Variants in BRD10 observed in about 807,000 individuals in gnomAD.
BRD10 encodes bromodomain containing 10, also known as uncharacterized bromodomain-containing protein 10.
the BRD10 span, among the ~76,000 whole-genome samples, chr9:5,943,044 A>G: frequency 1.3e-5 from 2 of 151,912 alleles, no homozygotes; most frequent in African/African-American, 4.8e-5. Flanking sequence ...CGCTGAGCTA[A>G]TTTTTTATTT....
At chr9:5,920,130 G>C in the BRD10 span, 1 of 1,613,940 alleles carries the variant, frequency 6.2e-7, no homozygotes, top group Non-Finnish European at 8.5e-7. Flanking sequence ...GGATGTTGTA[G>C]AGGTTGGCCA....
At chr9:5,958,731 T>G in the BRD10 span, among the ~76,000 whole-genome samples, 1 of 152,214 alleles carries the variant, frequency 6.6e-6, no homozygotes, top group Non-Finnish European at 1.5e-5. Flanking sequence ...CACTCCTCCC[T>G]CTGTACTTTC....
the BRD10 span, among the ~76,000 whole-genome samples, chr9:5,883,728 T>G: frequency 6.6e-6 from 1 of 152,110 alleles, no homozygotes; most frequent in African/African-American, 2.4e-5. Flanking sequence ...CACTTCAGCC[T>G]CTCAAACTGC....
the BRD10 span, among the ~76,000 whole-genome samples, chr9:5,914,908 T>C: frequency 2.6e-5 from 4 of 152,092 alleles, no homozygotes; most frequent in Non-Finnish European, 5.9e-5. Context: ...ATATATGCTA[T>C]GAACTGTTAC....
chr9:5,884,247 G>A, the BRD10 span, among the ~76,000 whole-genome samples: 295 of 152,268 alleles, frequency 1.9e-3, 2 homozygotes, highest in Middle Eastern at 0.014. Flanking sequence ...TCATGACACG[G>A]GAAAATAGAT....
At chr9:5,895,923 G>C in the BRD10 span, among the ~76,000 whole-genome samples, 3 of 152,224 alleles carry the variant, frequency 2.0e-5, no homozygotes, top group African/African-American at 4.8e-5. Flanking sequence ...ACTGTGTCAA[G>C]ATATTCAAGT....
the BRD10 span, among the ~76,000 whole-genome samples, chr9:5,986,176 ATG>A: frequency 6.6e-6 from 1 of 152,044 alleles, no homozygotes; most frequent in Non-Finnish European, 1.5e-5. Context: ...CCCTGTGTCC[ATG>A]TGTTCTCACT....
At chr9:5,885,986 A>T in the BRD10 span, among the ~76,000 whole-genome samples, 1 of 152,188 alleles carries the variant, frequency 6.6e-6, no homozygotes, top group Non-Finnish European at 1.5e-5. Flanking sequence ...GTTTTCCCCA[A>T]ATCTTTTGAG....
chr9:5,960,934 G>C, the BRD10 span, among the ~76,000 whole-genome samples: 4 of 152,080 alleles, frequency 2.6e-5, no homozygotes, highest in Non-Finnish European at 5.9e-5. Flanking sequence ...CTGATACGCA[G>C]GGGAAAAAAA....
chr9:5,938,821 A>G, the BRD10 span, among the ~76,000 whole-genome samples: 22 of 152,362 alleles, frequency 1.4e-4, no homozygotes, highest in East Asian at 2.7e-3. Context: ...AATAAAAAAT[A>G]TATCGTACAC....
the BRD10 span, chr9:5,923,224 C>G: frequency 1.9e-6 from 3 of 1,613,944 alleles, no homozygotes; most frequent in Middle Eastern, 1.6e-4. Flanking sequence ...TAAGCAGTGT[C>G]TTCGGTAAGT....
the BRD10 span, among the ~76,000 whole-genome samples, chr9:5,916,577 C>CATATATAAAAACATATATAACATATAT: frequency 7.3e-5 from 11 of 150,000 alleles, no homozygotes; most frequent in African/African-American, 2.7e-4. Context: ...ATATATAAAA[C>CATATATAAAAACATATATAACATATAT]ATATATAACA....
chr9:5,940,423 A>G, the BRD10 span, among the ~76,000 whole-genome samples: 7,905 of 151,576 alleles, frequency 0.052, 600 homozygotes, highest in African/African-American at 0.16. Context: ...TCGAACTCCC[A>G]ACCTTGTGAT....
At chr9:5,969,520 A>G in the BRD10 span, 2 of 904,510 alleles carry the variant, frequency 2.2e-6, no homozygotes, top group Non-Finnish European at 3.2e-6. Context: ...TCTTTAGCCA[A>G]AAAGGCAATC....
At chr9:5,953,633 T>C in the BRD10 span, among the ~76,000 whole-genome samples, 4 of 151,864 alleles carry the variant, frequency 2.6e-5, no homozygotes, top group African/African-American at 9.7e-5. Context: ...CATCTCCAAA[T>C]TATGATTTGT....
At chr9:5,879,441 C>T in the BRD10 span, among the ~76,000 whole-genome samples, 1 of 152,144 alleles carries the variant, frequency 6.6e-6, no homozygotes, top group African/African-American at 2.4e-5. Context: ...GTTGCAGCCC[C>T]CACACAGCCG....
chr9:5,897,900 T>C, the BRD10 span, among the ~76,000 whole-genome samples: 1 of 152,238 alleles, frequency 6.6e-6, no homozygotes, highest in Non-Finnish European at 1.5e-5. Context: ...CGAGAGACTG[T>C]AATTTATAAA....
chr9:5,966,205 A>C, the BRD10 span, among the ~76,000 whole-genome samples: 2 of 152,092 alleles, frequency 1.3e-5, no homozygotes, highest in African/African-American at 2.4e-5. Context: ...ACAATTTATA[A>C]ATTTGCCTTC....
the BRD10 span, among the ~76,000 whole-genome samples, chr9:5,894,040 C>A: frequency 2.6e-5 from 4 of 152,106 alleles, 1 homozygote; most frequent in Non-Finnish European, 2.9e-5. The surrounding 1 kb of genome is among the most constrained non-coding windows in gnomAD (Gnocchi z 4.0). Context: ...GTCTGTTTGC[C>A]TCCAGAGTCC....
Sources: allele counts gnomAD v4.1 joint callset (sites outside exome capture counted in the v4.1 genomes callset), GRCh38; gene constraint gnomAD v4.1.1; non-coding constraint Gnocchi (gnomAD v3.1); transcripts MANE v1.5; gene names NCBI Gene and HGNC (gene_info 2026-07-23, HGNC 2026-07-21).